PBX3: variants seen among roughly 807,000 people sequenced by gnomAD.
The protein encoded by PBX3 is pre-B-cell leukemia transcription factor 3.
A neutral mutation model predicts 48.5 loss-of-function variants in PBX3; 14 were observed. That is an observed-to-expected ratio of 0.29 (90% CI 0.19 to 0.45). The LOEUF (loss-of-function observed/expected upper bound fraction) is 0.45, where lower values mean the gene tolerates loss of function less well. Among genes scored for constraint, PBX3 ranks in the 20% least tolerant of loss-of-function variants. The probability of loss-of-function intolerance (pLI) is 1.00; values close to 1 mark genes in which losing one functional copy is unlikely to be tolerated. For missense variants in PBX3, 386 were observed against 546.7 expected, an observed-to-expected ratio of 0.71 and a Z score of 2.93; for synonymous variants, 210 against 200.3, an observed-to-expected ratio of 1.05 and a Z score of -0.41.
chr9:125,781,950 T>A (rs1375318176), intron 2 of PBX3, among the ~76,000 whole-genome samples: 1 of 152,230 alleles, frequency 6.6e-6, no homozygotes, highest in Non-Finnish European at 1.5e-5. Flanking sequence ...CTTTTGTGTT[T>A]GCGTTTTTAA....
intron 2 of PBX3, among the ~76,000 whole-genome samples, chr9:125,806,498 G>C (rs1043840897): frequency 1.3e-5 from 2 of 152,166 alleles, no homozygotes; most frequent in South Asian, 2.1e-4. Flanking sequence ...CATGCTGTCT[G>C]TTCACATGGT....
chr9:125,809,023 T>TA (rs1838209285), intron 2 of PBX3, among the ~76,000 whole-genome samples: 1 of 152,060 alleles, frequency 6.6e-6, no homozygotes, highest in Admixed American at 6.6e-5. Flanking sequence ...AGACAGCACT[T>TA]ACCGCTGTTC....
At chr9:125,789,018 G>A (rs1165258000) in intron 2 of PBX3, among the ~76,000 whole-genome samples, 18 of 151,760 alleles carry the variant, frequency 1.2e-4, no homozygotes, top group Admixed American at 1.2e-3. Context: ...CTTTAAGATT[G>A]TTTCATACTG....
chr9:125,793,368 T>A (rs9777387), intron 2 of PBX3, among the ~76,000 whole-genome samples: 3,069 of 91,728 alleles, frequency 0.033, 88 homozygotes, highest in African/African-American at 0.11. Flanking sequence ...AAAAAAAAAA[T>A]ATATATATAT....
intron 2 of PBX3, among the ~76,000 whole-genome samples, chr9:125,800,529 C>G (rs980576405): frequency 2.0e-5 from 3 of 152,064 alleles, no homozygotes; most frequent in Non-Finnish European, 4.4e-5. Context: ...ACATGGAAAA[C>G]TCTGCTATTC....
At chr9:125,903,521 T>G (rs1469009965) in intron 2 of PBX3, among the ~76,000 whole-genome samples, 1 of 151,872 alleles carries the variant, frequency 6.6e-6, no homozygotes, top group Non-Finnish European at 1.5e-5. Context: ...ATTGTCAGTA[T>G]TTTTGAAAAA....
At chr9:125,931,332 C>T (rs551819523) in intron 4 of PBX3, among the ~76,000 whole-genome samples, 2 of 152,258 alleles carry the variant, frequency 1.3e-5, no homozygotes, top group East Asian at 3.9e-4. Context: ...ATTCCCTATG[C>T]ACTCCACCCA....
chr9:125,893,252 TAAG>T (rs965062450), intron 2 of PBX3, among the ~76,000 whole-genome samples: 7 of 152,240 alleles, frequency 4.6e-5, no homozygotes, highest in Non-Finnish European at 2.9e-5. Flanking sequence ...ATGTCCTACA[TAAG>T]AATAAGTTGT....
chr9:125,896,241 G>A (rs988239548), intron 2 of PBX3, among the ~76,000 whole-genome samples: 7 of 151,948 alleles, frequency 4.6e-5, no homozygotes, highest in African/African-American at 1.7e-4. Flanking sequence ...TCCTCTGTGT[G>A]TGCCTTATGT....
At chr9:125,897,998 G>A (rs955562452) in intron 2 of PBX3, among the ~76,000 whole-genome samples, 2 of 151,264 alleles carry the variant, frequency 1.3e-5, no homozygotes, top group Non-Finnish European at 3.0e-5. Context: ...AACGGATATG[G>A]CCATTTAAAT....
intron 2 of PBX3, among the ~76,000 whole-genome samples, chr9:125,830,770 A>G (rs1390442828): frequency 6.6e-6 from 1 of 152,168 alleles, no homozygotes; most frequent in Non-Finnish European, 1.5e-5. Flanking sequence ...TAAAGAAGCT[A>G]AGTAACTTGT....
rs539356154 is a variant in PBX3 at position 125,806,443 on chromosome 9, G to A, written c.274+57820G>A. On this transcript the variant is annotated intron_variant, in intron 2 of 8. Coordinates refer to ENST00000373489, the MANE Select transcript of PBX3 (RefSeq NM_006195.6). ...TCACGATCAAGATGCTGCCAGGTTC[G>A]GTGTCTGGTCAGGGCCAGGCTTCTG... 8.4e-4 allele frequency among the ~76,000 whole-genome samples: 128 copies of A among 152,258 alleles called. 3 individuals are homozygous for A. In the South Asian group the frequency reaches 0.026, roughly 31 times the overall value.
At chr9:125,767,578 C>T (rs1836832322) in intron 2 of PBX3, among the ~76,000 whole-genome samples, 1 of 152,156 alleles carries the variant, frequency 6.6e-6, no homozygotes, top group African/African-American at 2.4e-5. Context: ...GGACCCACTG[C>T]TCACTTTCTA....
chr9:125,753,807 C>G (rs1028092256), intron 2 of PBX3, among the ~76,000 whole-genome samples: 16 of 152,066 alleles, frequency 1.1e-4, no homozygotes, highest in African/African-American at 3.6e-4. Flanking sequence ...ATAAAATGTA[C>G]TTGTCTACAT....
intron 2 of PBX3, among the ~76,000 whole-genome samples, chr9:125,908,381 C>T (rs1047871221): frequency 1.3e-5 from 2 of 151,890 alleles, no homozygotes; most frequent in African/African-American, 2.4e-5. Context: ...AGTGCTATGG[C>T]GATCTCATTC....
At chr9:125,845,068 C>T (rs1839393151) in intron 2 of PBX3, 1 of 152,104 alleles carries the variant, frequency 6.6e-6, no homozygotes. Flanking sequence ...GAACAAACTA[C>T]TGTCACTATT....
chr9:125,963,639 T>C (rs1272593456), intron 8 of PBX3, among the ~76,000 whole-genome samples: 3 of 152,064 alleles, frequency 2.0e-5, no homozygotes, highest in Non-Finnish European at 4.4e-5. Flanking sequence ...TTCCCTCCAC[T>C]GACATGGATG....
chr9:125,850,228 T>C (rs1839542278), intron 2 of PBX3, among the ~76,000 whole-genome samples: 1 of 152,044 alleles, frequency 6.6e-6, no homozygotes, highest in South Asian at 2.1e-4. Context: ...TTTGTTCTTA[T>C]ACCATCTATT....
chr9:125,748,268 C>T, intron 1 of PBX3: 1 of 1,071,164 alleles, frequency 9.3e-7, no homozygotes, highest in Non-Finnish European at 1.1e-6. Context: ...TCGCCTGCCC[C>T]CGGGGCGAGG....
Sources: allele counts gnomAD v4.1 joint callset (sites outside exome capture counted in the v4.1 genomes callset), GRCh38; gene constraint gnomAD v4.1.1; transcripts MANE v1.5; gene names NCBI Gene and HGNC (gene_info 2026-07-23, HGNC 2026-07-21).